The following IPO8 variants were observed in gnomAD, a reference collection of about 807,000 sequenced individuals.
IPO8 encodes importin 8.
Under a neutral mutation model 141.2 loss-of-function variants are expected in IPO8, and 65 were observed. The observed-to-expected ratio is 0.46, with a 90% CI of 0.38 to 0.57. The LOEUF (loss-of-function observed/expected upper bound fraction) is 0.57, where lower values mean the gene tolerates loss of function less well. Ranked by LOEUF, IPO8 falls within the 20% of genes least tolerant of loss-of-function variation. IPO8 has a pLI of 0.00. For missense variants in IPO8, 980 were observed against 1,246.8 expected (o/e 0.79, Z 3.22); for synonymous variants, 411 against 420.3 (o/e 0.98, Z 0.27).
chr12:30,641,004 T>C (rs1178636022), intron 20 of IPO8, among the ~76,000 whole-genome samples: 1 of 152,174 alleles, frequency 6.6e-6, no homozygotes, highest in East Asian at 1.9e-4. Flanking sequence ...GAAAATAAAG[T>C]TTCATTTTAA....
intron 2 of IPO8, among the ~76,000 whole-genome samples, chr12:30,685,684 G>A (rs2053234525): frequency 6.6e-6 from 1 of 151,382 alleles, no homozygotes; most frequent in Non-Finnish European, 1.5e-5. Context: ...CAGCACTTTG[G>A]GAGGCCGAGG....
In IPO8 at chr12:30,638,274, C is replaced by G. The variant is rs142606338; in HGVS notation, c.2490-1087G>C. Among the ~76,000 whole-genome samples the G allele has an allele frequency of 2.8e-3, 428 of 152,332 alleles. 8 individuals are homozygous for G. The highest frequency in any genetic ancestry group is 9.2e-3 in the African/African-American group (381 of 41,578). ...AAATCTTTCTCAGAGATAACTTTAA[C>G]AACAATTTCTTTGATAGTATGTTCT... On this transcript the variant is annotated intron_variant, in intron 21 of 24. Transcript: ENST00000256079.
chr12:30,677,952 C>A (rs2053143499), intron 5 of IPO8, among the ~76,000 whole-genome samples: 1 of 151,604 alleles, frequency 6.6e-6, no homozygotes, highest in African/African-American at 2.4e-5. Flanking sequence ...CTGGCCAAAA[C>A]AGTGAAACCC....
Position 30,630,851 on chromosome 12 carries a change from T to C in IPO8, c.*9A>G, listed in dbSNP as rs2052421197. ...AGCGATGACATTTGGTCAGCTGATG[T>C]TCTTTCCTTCAGTTGTTGCTGGGCA... is the stretch of plus-strand genomic sequence containing the variant. On this transcript the variant is annotated 3_prime_UTR_variant, in exon 25 of 25. Transcript: ENST00000256079. 1 of 1,603,698 alleles carries C rather than the reference T, an allele frequency of 6.2e-7. No individual in the cohort carries two copies. Among genetic ancestry groups the C allele is most frequent in the Non-Finnish European group, 8.5e-7 (1 of 1,171,298 alleles).
At chr12:30,686,782 G>A (rs1036474810) in intron 2 of IPO8, 9 of 151,980 alleles carry the variant, frequency 5.9e-5, no homozygotes, top group Non-Finnish European at 8.8e-5. Flanking sequence ...TAAAATCATG[G>A]ACTTATTTAT....
In IPO8 at chr12:30,684,417, TG is replaced by T; in HGVS notation, c.206del (p.Pro69GlnfsTer32). ...CTTCTCCTGGTGGAGGTTCTCGATCTGGCCAGTATTGTGTCACCATGTTCTT... is the reference window on the plus strand; with the variant it reads ...CTTCTCCTGGTGGAGGTTCTCGATCTGCCAGTATTGTGTCACCATGTTCTT... ...YLKNMVTQYW[P>X]DREPPPGEAI... is the part of the protein sequence containing the mutation. On this transcript the variant is annotated frameshift_variant, in exon 3 of 25. Coordinates refer to ENST00000256079, the MANE Select transcript of IPO8 (RefSeq NM_006390.4). LOFTEE classifies it high-confidence loss of function. 3 of 1,614,192 alleles carry T rather than the reference TG, an allele frequency of 1.9e-6. No homozygotes were observed. Among genetic ancestry groups the T allele is most frequent in the Non-Finnish European group, 2.5e-6 (3 of 1,180,014 alleles).
chr12:30,685,377 G>A (rs1168400850), intron 2 of IPO8, among the ~76,000 whole-genome samples: 1 of 151,782 alleles, frequency 6.6e-6, no homozygotes, highest in Non-Finnish European at 1.5e-5. Context: ...GACCTCAGGT[G>A]ATCTGCCTGC....
chr12:30,643,370 G>C (rs2052599596), intron 20 of IPO8, among the ~76,000 whole-genome samples: 1 of 152,196 alleles, frequency 6.6e-6, no homozygotes, highest in South Asian at 2.1e-4. Context: ...AATCAATACA[G>C]TCCTTCAGCT....
Position 30,670,947 on chromosome 12 carries a change from C to T in IPO8, c.1044+15G>A, listed in dbSNP as rs113995704. 4.5e-5 allele frequency: 72 copies of T among 1,600,200 alleles called. No individual in the cohort carries two copies. In the African/African-American group the frequency reaches 8.9e-4, roughly 20 times the overall value. On this transcript the variant is annotated intron_variant, in intron 9 of 24. Coordinates refer to ENST00000256079, the MANE Select transcript of IPO8 (RefSeq NM_006390.4). The stretch of plus-strand genomic sequence containing the variant: ...ACCAGAGAATAATTTTGGAGAGCTG[C>T]TCTCTGACACTAACCTGTATGTGTG...
chr12:30,652,706 A>C (rs1332124445), intron 18 of IPO8, among the ~76,000 whole-genome samples: 1 of 152,118 alleles, frequency 6.6e-6, no homozygotes, highest in African/African-American at 2.4e-5. Context: ...TGGTGTCCAT[A>C]AAATACTTAT....
intron 14 of IPO8, 189 bp from the exon 15 acceptor site, chr12:30,662,676 A>C (rs1565501507): frequency 3.3e-6 from 2 of 612,190 alleles, no homozygotes; most frequent in Admixed American, 2.6e-5. Flanking sequence ...TCCCAAGAGT[A>C]ATATAAGGAT....
At chr12:30,686,770 G>A (rs940651450) in intron 2 of IPO8, 3 of 151,562 alleles carry the variant, frequency 2.0e-5, no homozygotes, top group South Asian at 2.1e-4. Flanking sequence ...ATACAGACAC[G>A]GTAAAATCAT....
intron 7 of IPO8, 63 bp downstream of exon 7, chr12:30,674,596 A>G: frequency 2.5e-6 from 3 of 1,213,948 alleles, no homozygotes; most frequent in African/African-American, 1.5e-5. Context: ...CTAAAGACAG[A>G]TAATCATATC....
In IPO8 at chr12:30,669,076, G is replaced by A. The variant is rs183646612; in HGVS notation, c.1144+107C>T. On this transcript the variant is annotated intron_variant, in intron 10 of 24. Transcript: ENST00000256079. ...GTTTCAGATTATGTCATGCAAAACA[G>A]AACCTGGGAGATTTAATAAAGTAAT... is the stretch of plus-strand genomic sequence containing the variant. 5.2e-3 allele frequency: 2,710 copies of A among 522,616 alleles called. 10 individuals carry two copies. The highest frequency in any genetic ancestry group is 7.7e-3 in the Non-Finnish European group (2,315 of 302,018). The allele number at this position is 522,616 out of a possible 1,614,324, so 32.4% of individuals were successfully genotyped here.
intron 20 of IPO8, among the ~76,000 whole-genome samples, chr12:30,644,506 T>TTCTCAAAAATAA (rs2136132105): frequency 6.6e-6 from 1 of 152,114 alleles, no homozygotes; most frequent in East Asian, 1.9e-4. Context: ...AATGAAGATT[T>TTCTCAAAAATAA]TGGTGGTAAG....
chr12:30,654,796 C>T (rs2052776605), intron 17 of IPO8, among the ~76,000 whole-genome samples: 1 of 151,860 alleles, frequency 6.6e-6, no homozygotes, highest in African/African-American at 2.4e-5. Flanking sequence ...TATGAAGGTT[C>T]CTCAAAAAAT....
intron 5 of IPO8, among the ~76,000 whole-genome samples, chr12:30,677,563 T>C (rs1437543150): frequency 1.3e-5 from 2 of 152,092 alleles, no homozygotes; most frequent in Non-Finnish European, 1.5e-5. Context: ...ATTGTTATCA[T>C]AGATGACAGC....
chr12:30,634,809 A>G (rs1406421380), intron 22 of IPO8, among the ~76,000 whole-genome samples: 1 of 152,118 alleles, frequency 6.6e-6, no homozygotes, highest in Non-Finnish European at 1.5e-5. Context: ...AGATCCAGCC[A>G]TCCCACTTCA....
chr12:30,669,932 C>A (rs1044319291), intron 9 of IPO8, among the ~76,000 whole-genome samples: 3 of 152,142 alleles, frequency 2.0e-5, no homozygotes, highest in Non-Finnish European at 4.4e-5. Flanking sequence ...TATATAAAAA[C>A]AGGATCATCT....
Sources: gnomAD v4.1 joint callset for allele counts (sites outside exome capture counted in the v4.1 genomes callset) on GRCh38, gnomAD v4.1.1 for gene constraint, MANE v1.5 for transcripts, NCBI Gene and HGNC (gene_info 2026-07-23, HGNC 2026-07-21) for gene names.